The following LDLRAD4 variants were observed in gnomAD, a reference collection of about 807,000 sequenced individuals.
LDLRAD4 encodes low density lipoprotein receptor class A domain containing 4, also known as low-density lipoprotein receptor class A domain-containing protein 4.
LDLRAD4 carries 5 observed loss-of-function variants against 17.0 expected under a neutral mutation model. That is an observed-to-expected ratio of 0.29 (90% confidence interval 0.15 to 0.62). The LOEUF (loss-of-function observed/expected upper bound fraction) is 0.62. LDLRAD4 is among the 20% of genes least tolerant of loss of function. LDLRAD4 has a pLI of 0.84. For synonymous variants in LDLRAD4, 168 were observed against 171.8 expected (o/e 0.98, Z 0.17); for missense variants, 340 against 424.7 (o/e 0.80, Z 1.75).
chr18:13,475,427 ATTTT>A (rs35255496), intron 3 of LDLRAD4, among the ~76,000 whole-genome samples: 17,035 of 131,026 alleles, frequency 0.13, 1,101 homozygotes, highest in African/African-American at 0.2. Flanking sequence ...CACCCCGCTG[ATTTT>A]TTTTTTTTTT....
chr18:13,276,589 G>C (rs940104626), upstream of LDLRAD4, among the ~76,000 whole-genome samples: 1 of 152,320 alleles, frequency 6.6e-6, no homozygotes, highest in South Asian at 2.1e-4. Context: ...TTCCCTTGCT[G>C]CTTGTCAGCT....
At chr18:13,572,178 A>G (rs530561619) in intron 3 of LDLRAD4, among the ~76,000 whole-genome samples, 4 of 152,382 alleles carry the variant, frequency 2.6e-5, no homozygotes, top group East Asian at 1.9e-4. Flanking sequence ...TGCAGTTTAC[A>G]TGAACCTATC....
intron 2 of LDLRAD4, among the ~76,000 whole-genome samples, chr18:13,430,302 G>A (rs1011132262): frequency 2.0e-5 from 3 of 152,234 alleles, no homozygotes; most frequent in African/African-American, 7.2e-5. Context: ...AGCTCCTGTT[G>A]CGCTTCATGA....
intron 1 of LDLRAD4, among the ~76,000 whole-genome samples, chr18:13,259,616 G>T (rs1035597407): frequency 1.1e-4 from 17 of 152,266 alleles, no homozygotes; most frequent in Non-Finnish European, 1.3e-4. Context: ...GCATACATTG[G>T]TATGTGGTTT....
At chr18:13,283,990 A>C (rs1386402431) in intron 1 of LDLRAD4, among the ~76,000 whole-genome samples, 2 of 152,198 alleles carry the variant, frequency 1.3e-5, no homozygotes, top group Admixed American at 6.5e-5. Flanking sequence ...CACTATCACG[A>C]GAATGGCACA....
chr18:13,228,016 C>T (rs1011078311), intron 1 of LDLRAD4, among the ~76,000 whole-genome samples: 2 of 152,218 alleles, frequency 1.3e-5, no homozygotes, highest in Admixed American at 1.3e-4. Context: ...GGCAGAAGCT[C>T]AGCTGGTGAT....
rs536224990 is a variant in LDLRAD4 at position 13,307,796 on chromosome 18, A to G, written c.-383+29608A>G. 7.9e-5 allele frequency among the ~76,000 whole-genome samples: 12 copies of G among 152,360 alleles called. No individual in the cohort carries two copies. The East Asian group carries it at 1.2e-3, about 15-fold the overall frequency. ...TACTGTAAGTATATGCATAATACAT[A>G]TAACATTGAAAATGTGTGTTAATTG... On this transcript the variant is annotated intron_variant, in intron 1 of 5. Coordinates refer to ENST00000359446, the Ensembl canonical transcript of LDLRAD4.
chr18:13,411,740 T>C (rs1232921544), intron 2 of LDLRAD4, among the ~76,000 whole-genome samples: 1 of 152,258 alleles, frequency 6.6e-6, no homozygotes, highest in African/African-American at 2.4e-5. Context: ...TTATAAATTA[T>C]CCAGTCCCTG....
chr18:13,535,845 A>G (rs904549788), intron 3 of LDLRAD4, among the ~76,000 whole-genome samples: 1 of 152,226 alleles, frequency 6.6e-6, no homozygotes, highest in Non-Finnish European at 1.5e-5. Flanking sequence ...GTATGAGTTA[A>G]GAGTCAAGTT....
intron 1 of LDLRAD4, among the ~76,000 whole-genome samples, chr18:13,351,517 G>A (rs146494293): frequency 2.6e-3 from 400 of 152,254 alleles, no homozygotes; most frequent in African/African-American, 9.2e-3. Flanking sequence ...ATCAGCTTAA[G>A]AAGTTTTTGG....
intron 2 of LDLRAD4, among the ~76,000 whole-genome samples, chr18:13,433,003 C>T (rs558473092): frequency 2.6e-5 from 4 of 152,216 alleles, no homozygotes; most frequent in African/African-American, 4.8e-5. Flanking sequence ...AGGTGTGAAC[C>T]ACTATGCCCA....
intron 3 of LDLRAD4, among the ~76,000 whole-genome samples, chr18:13,550,100 C>T (rs1466085001): frequency 6.6e-6 from 1 of 152,190 alleles, no homozygotes; most frequent in Admixed American, 6.5e-5. Context: ...TTGCTGTCTA[C>T]AAGGGGGCAA....
rs906368517 is a variant in LDLRAD4, at chr18:13,621,562, G to T, written c.336+291G>T. Among the ~76,000 whole-genome samples the T allele has an allele frequency of 6.6e-6, 1 of 152,318 alleles. No homozygotes were observed. The highest frequency in any genetic ancestry group is 1.5e-5 in the Non-Finnish European group (1 of 68,020). On this transcript the variant is annotated intron_variant, in intron 4 of 5. Transcript: ENST00000359446. This position sits in a 1 kb window ranked among gnomAD's most constrained non-coding sequence, Gnocchi z 5.5. ...CTTTGCCAGCTTCTGAGCTGTGCACGAACGGGACCGGCCCTGGGTGGTCCC... is the reference window on the plus strand; with the variant it reads ...CTTTGCCAGCTTCTGAGCTGTGCACTAACGGGACCGGCCCTGGGTGGTCCC...
rs544128576 is a variant in LDLRAD4 at position 13,507,138 on chromosome 18, C to CT, written c.181+68760dup. ...TGTTATGGTGATCTGTGACAGTGAT[C>CT]TTTTTTAAAATTCTTTTTAATTTTA... On this transcript the variant is annotated intron_variant, in intron 3 of 5. Coordinates refer to ENST00000359446, the Ensembl canonical transcript of LDLRAD4. Among the ~76,000 whole-genome samples, 1,045 of 152,202 alleles carry CT rather than the reference C, an allele frequency of 6.9e-3. 8 individuals carry two copies. Among genetic ancestry groups the CT allele is most frequent in the Non-Finnish European group, 0.012 (784 of 67,996 alleles).
intron 3 of LDLRAD4, among the ~76,000 whole-genome samples, chr18:13,606,160 T>A (rs2095222112): frequency 6.6e-6 from 1 of 152,188 alleles, no homozygotes; most frequent in African/African-American, 2.4e-5. Flanking sequence ...GAACCCAACG[T>A]TGGTTCTAAC....
intron 1 of LDLRAD4, among the ~76,000 whole-genome samples, chr18:13,364,447 C>G (rs182509121): frequency 2.2e-4 from 34 of 152,286 alleles, no homozygotes; most frequent in Admixed American, 1.1e-3. Context: ...AAGCGATCCT[C>G]CTGCCTCAGC....
intron 1 of LDLRAD4, among the ~76,000 whole-genome samples, chr18:13,312,697 G>C (rs753672000): frequency 7.2e-5 from 11 of 152,018 alleles, no homozygotes; most frequent in Non-Finnish European, 4.4e-5. Context: ...AGCTGTGATC[G>C]CACCACCGCA....
chr18:13,611,634 T>C (rs1435925982), intron 3 of LDLRAD4: 3 of 985,286 alleles, frequency 3.0e-6, no homozygotes, highest in Non-Finnish European at 3.6e-6. Flanking sequence ...TTCTGTTCTC[T>C]AATTTCTGAT....
intron 1 of LDLRAD4, among the ~76,000 whole-genome samples, chr18:13,336,806 CT>C (rs1266140432): frequency 1.3e-5 from 2 of 152,086 alleles, no homozygotes; most frequent in African/African-American, 4.8e-5. Flanking sequence ...CTCCCCCTCT[CT>C]CTCTTTCAAG....
Sources: allele counts gnomAD v4.1 joint callset (sites outside exome capture counted in the v4.1 genomes callset), GRCh38; gene constraint gnomAD v4.1.1; non-coding constraint Gnocchi (gnomAD v3.1); transcripts MANE v1.5; gene names NCBI Gene and HGNC (gene_info 2026-07-23, HGNC 2026-07-21).